SMAP1: variants seen among roughly 807,000 people sequenced by gnomAD.
SMAP1 encodes small ArfGAP 1, also known as stromal membrane-associated protein 1.
A neutral mutation model predicts 58.5 loss-of-function variants in SMAP1; 24 were observed. The observed-to-expected ratio is 0.41, with a 90% CI of 0.30 to 0.58. SMAP1 has a LOEUF of 0.58. Ranked by LOEUF, SMAP1 falls within the 20% of genes least tolerant of loss-of-function variation. SMAP1 has a pLI of 0.29. For missense variants in SMAP1, 563 were observed against 566.3 expected (o/e 0.99, Z 0.06); for synonymous variants, 216 against 196.6 (o/e 1.10, Z -0.82).
chr6:70,800,661 C>T (rs1458278214), intron 6 of SMAP1, among the ~76,000 whole-genome samples: 1 of 151,326 alleles, frequency 6.6e-6, no homozygotes, highest in Non-Finnish European at 1.5e-5. Context: ...TGCTGTCCCT[C>T]CCCCAGCCCC....
chr6:70,838,696 G>A (rs1770694270), intron 7 of SMAP1, among the ~76,000 whole-genome samples: 1 of 151,848 alleles, frequency 6.6e-6, no homozygotes, highest in Non-Finnish European at 1.5e-5. Context: ...GGCTAAAGTG[G>A]AATGATCTAG....
At chr6:70,851,159 A>C (rs1424476512) in intron 7 of SMAP1, among the ~76,000 whole-genome samples, 3 of 152,212 alleles carry the variant, frequency 2.0e-5, no homozygotes, top group Non-Finnish European at 4.4e-5. Flanking sequence ...GCAGTTGAAT[A>C]ACTTTCAGAT....
intron 1 of SMAP1, among the ~76,000 whole-genome samples, chr6:70,704,227 T>C (rs1281272473): frequency 1.3e-5 from 2 of 152,220 alleles, no homozygotes; most frequent in African/African-American, 4.8e-5. Flanking sequence ...TTTAGAGCTA[T>C]TAACAAATTA....
intron 7 of SMAP1, chr6:70,837,641 A>G (rs1273912835): frequency 4.9e-6 from 2 of 408,404 alleles, no homozygotes; most frequent in South Asian, 3.6e-5. Context: ...GTGCTTATCT[A>G]CAAATATTGT....
At chr6:70,697,286 T>G (rs776453937) in intron 1 of SMAP1, among the ~76,000 whole-genome samples, 3 of 152,026 alleles carry the variant, frequency 2.0e-5, no homozygotes, top group South Asian at 2.1e-4. Flanking sequence ...CTGGTTGTTT[T>G]GTGGTCTTCT....
At chr6:70,856,115 A>G (rs1200421291) in intron 8 of SMAP1, among the ~76,000 whole-genome samples, 1 of 152,224 alleles carries the variant, frequency 6.6e-6, no homozygotes, top group African/African-American at 2.4e-5. Flanking sequence ...TATTCAAAAC[A>G]AGTCCATATA....
intron 1 of SMAP1, among the ~76,000 whole-genome samples, chr6:70,699,826 C>T (rs774220638): frequency 1.3e-5 from 2 of 151,948 alleles, no homozygotes; most frequent in Non-Finnish European, 1.5e-5. Flanking sequence ...AGGGTGGGTC[C>T]AGAAATGCCA....
chr6:70,700,621 A>G (rs1312444310), intron 1 of SMAP1, among the ~76,000 whole-genome samples: 3 of 152,152 alleles, frequency 2.0e-5, no homozygotes, highest in Admixed American at 2.0e-4. Flanking sequence ...TTTGTAAATT[A>G]CCCAGCCTCA....
At chr6:70,767,750 C>T (rs778468560) in intron 3 of SMAP1, among the ~76,000 whole-genome samples, 229 of 141,166 alleles carry the variant, frequency 1.6e-3, no homozygotes, top group Non-Finnish European at 2.4e-3. Flanking sequence ...ATTTCCTTCT[C>T]CTGCCTAATT....
chr6:70,726,013 T>C (rs1582067995), intron 1 of SMAP1, among the ~76,000 whole-genome samples: 1 of 152,322 alleles, frequency 6.6e-6, no homozygotes, highest in Admixed American at 6.5e-5. Context: ...ATTACCATAG[T>C]AGGAGACACA....
At chr6:70,850,465 G>A (rs1771143398) in intron 7 of SMAP1, among the ~76,000 whole-genome samples, 1 of 151,446 alleles carries the variant, frequency 6.6e-6, no homozygotes. Flanking sequence ...TTTTATTTTG[G>A]TTGCAGTTTA....
At chr6:70,791,980 G>A (rs1269635265) in intron 5 of SMAP1, among the ~76,000 whole-genome samples, 5 of 151,972 alleles carry the variant, frequency 3.3e-5, no homozygotes, top group African/African-American at 1.2e-4. Flanking sequence ...TGATTTATTG[G>A]TGCCATGGCT....
At chr6:70,773,711 G>T (rs559661172) in intron 4 of SMAP1, among the ~76,000 whole-genome samples, 2 of 152,070 alleles carry the variant, frequency 1.3e-5, no homozygotes, top group Non-Finnish European at 2.9e-5. Flanking sequence ...TGGTGGGAGA[G>T]AAATTTTTTC....
At position 70,860,396 on chromosome 6, in the gene SMAP1, G is replaced by T; in HGVS notation, c.*62G>T. The T allele has an allele frequency of 1.3e-6, 2 of 1,548,698 alleles. No individual in the cohort carries two copies. The highest frequency in any genetic ancestry group is 4.1e-5 in the Admixed American group (2 of 48,470). ...GACATTCCTTGCTGAAACGCATCTA[G>T]TTCCCCTGTTTATTCATATGCATAT... is the stretch of plus-strand genomic sequence containing the variant. On this transcript the variant is annotated 3_prime_UTR_variant, in exon 11 of 11. Transcript: ENST00000370455.
At chr6:70,710,493 C>CAA (rs35171922) in intron 1 of SMAP1, among the ~76,000 whole-genome samples, 129 of 74,734 alleles carry the variant, frequency 1.7e-3, no homozygotes, top group African/African-American at 2.0e-3. Context: ...ACTCCCATCT[C>CAA]AAAAAAAAAA....
intron 1 of SMAP1, among the ~76,000 whole-genome samples, chr6:70,707,097 T>C (rs1767871457): frequency 6.6e-6 from 1 of 152,182 alleles, no homozygotes; most frequent in South Asian, 2.1e-4. Flanking sequence ...TCTCTTGTTA[T>C]ATGTTAGTTT....
chr6:70,724,742 A>T (rs1375573478), intron 1 of SMAP1, among the ~76,000 whole-genome samples: 1 of 152,190 alleles, frequency 6.6e-6, no homozygotes, highest in East Asian at 1.9e-4. Flanking sequence ...TTACAGGAAA[A>T]CATGAACGTG....
rs752730024 is a variant in SMAP1, at chr6:70,851,538, A to G, written c.665-1002A>G. The stretch of plus-strand genomic sequence containing the variant: ...GTTAAGATAGAAGGTTAATTAGGCT[A>G]TAACTCTCAAGAGGCTGGAGTTGTG... On this transcript the variant is annotated intron_variant, in intron 7 of 10. Coordinates refer to ENST00000370455, the MANE Select transcript of SMAP1 (RefSeq NM_001044305.3). Among the ~76,000 whole-genome samples, 33 of 152,332 alleles carry G rather than the reference A, an allele frequency of 2.2e-4. 1 individual carries two copies. Among genetic ancestry groups the G allele is most frequent in the Admixed American group, 9.8e-4 (15 of 15,304 alleles).
intron 4 of SMAP1, among the ~76,000 whole-genome samples, chr6:70,780,789 T>C (rs1030257981): frequency 6.6e-6 from 1 of 152,216 alleles, no homozygotes; most frequent in African/African-American, 2.4e-5. Context: ...CTGTGTCTCT[T>C]CAGCTAGTGA....
Sources: allele counts gnomAD v4.1 joint callset (sites outside exome capture counted in the v4.1 genomes callset), GRCh38; gene constraint gnomAD v4.1.1; transcripts MANE v1.5; gene names NCBI Gene and HGNC (gene_info 2026-07-23, HGNC 2026-07-21).